Variants in VPS13A observed in about 807,000 individuals in gnomAD.
VPS13A encodes vacuolar protein sorting 13 homolog A.
Under a neutral mutation model 390.9 loss-of-function variants are expected in VPS13A, and 264 were observed. The ratio of observed to expected loss-of-function variants is 0.68; its 90% CI spans 0.61 to 0.75. The LOEUF (loss-of-function observed/expected upper bound fraction) is 0.75, where lower values mean the gene tolerates loss of function less well. VPS13A is among the 30% of genes least tolerant of loss of function. VPS13A has a pLI of 0.00. For missense variants in VPS13A, 3,409 were observed against 3,733.9 expected (o/e 0.91, Z 2.27); for synonymous variants, 1,231 against 1,227.1 (o/e 1.00, Z -0.07).
intron 21 of VPS13A, 112 bp downstream of exon 21, chr9:77,250,341 A>C (rs1446570075): frequency 2.3e-6 from 3 of 1,286,964 alleles, no homozygotes; most frequent in Non-Finnish European, 3.3e-6. Context: ...ATATTTTTGA[A>C]TTAGAAATGA....
Position 77,399,170 on chromosome 9 carries a change from A to T in VPS13A, c.9190-4066A>T, listed in dbSNP as rs1469552244. Among the ~76,000 whole-genome samples, 419 of 114,724 alleles carry T rather than the reference A, an allele frequency of 3.7e-3. 1 individual carries two copies. The highest frequency in any genetic ancestry group is 6.0e-3 in the Non-Finnish European group (339 of 56,880). The allele number at this position is 114,724 out of a possible 152,430, so 75.3% of individuals were successfully genotyped here. Reference sequence around the variant, plus strand: ...TACCCTAAAACTTAGAGTATAATAAAAAAAAAAAAATAAAAAAAAAAAAAA... The same window carrying T: ...TACCCTAAAACTTAGAGTATAATAATAAAAAAAAAATAAAAAAAAAAAAAA... On this transcript the variant is annotated intron_variant, in intron 68 of 71. Transcript: ENST00000360280.
At chr9:77,200,745 A>G (rs1396505889) in intron 2 of VPS13A, among the ~76,000 whole-genome samples, 2 of 152,046 alleles carry the variant, frequency 1.3e-5, no homozygotes, top group East Asian at 1.9e-4. Flanking sequence ...TTGTGCTTTT[A>G]TTGTCATATT....
intron 70 of VPS13A, among the ~76,000 whole-genome samples, 188 bp downstream of exon 70, chr9:77,406,175 T>A (rs1410553296): frequency 6.6e-6 from 1 of 150,620 alleles, no homozygotes; most frequent in Non-Finnish European, 1.5e-5. Context: ...CAAGAAAAAC[T>A]GTGCTTTCTG....
intron 2 of VPS13A, 81 bp from the exon 3 acceptor site, chr9:77,201,284 T>A: frequency 1.1e-6 from 1 of 937,634 alleles, no homozygotes; most frequent in Non-Finnish European, 1.7e-6. Flanking sequence ...TGAAATAATT[T>A]TTGGAAGTAA....
At chr9:77,389,696 C>CT (rs1325815217) in intron 68 of VPS13A, 1 of 152,090 alleles carries the variant, frequency 6.6e-6, no homozygotes, top group African/African-American at 2.4e-5. Context: ...CATTTCTTCC[C>CT]TTTAAGTAAA....
At chr9:77,393,434 C>T (rs1050568921) in intron 68 of VPS13A, among the ~76,000 whole-genome samples, 4 of 152,238 alleles carry the variant, frequency 2.6e-5, no homozygotes, top group African/African-American at 7.2e-5. Context: ...TTTTTAATGG[C>T]ATCTAGAATA....
chr9:77,258,259 C>T (rs2131288403), intron 22 of VPS13A, among the ~76,000 whole-genome samples: 1 of 152,252 alleles, frequency 6.6e-6, no homozygotes, highest in African/African-American at 2.4e-5. Flanking sequence ...CCAAACACTT[C>T]CAGGAGAGTT....
intron 31 of VPS13A, among the ~76,000 whole-genome samples, chr9:77,292,594 C>A (rs12551400): frequency 1.3e-5 from 2 of 151,896 alleles, no homozygotes; most frequent in African/African-American, 2.4e-5. Flanking sequence ...TCACTTATAC[C>A]TCTGGTTCTG....
chr9:77,412,951 A>G (rs1835006102), intron 71 of VPS13A, among the ~76,000 whole-genome samples: 2 of 152,208 alleles, frequency 1.3e-5, no homozygotes, highest in Admixed American at 1.3e-4. Context: ...CTTATACACC[A>G]ATAACAGACA....
intron 68 of VPS13A, among the ~76,000 whole-genome samples, chr9:77,398,938 A>G (rs1036319378): frequency 7.1e-6 from 1 of 140,072 alleles, no homozygotes; most frequent in Non-Finnish European, 1.5e-5. Context: ...AACACCACAT[A>G]TTCTCACTCA....
chr9:77,351,587 AAGGT>A, intron 53 of VPS13A, 141 bp downstream of exon 53: 2 of 1,081,032 alleles, frequency 1.9e-6, no homozygotes, highest in Non-Finnish European at 2.8e-6. Flanking sequence ...CCTGGCCAAT[AAGGT>A]GAAACCCTGT....
Position 77,314,356 on chromosome 9 carries a change from G to A in VPS13A, c.4243-139G>A, listed in dbSNP as rs919845168. On this transcript the variant is annotated intron_variant, in intron 36 of 71. Coordinates refer to ENST00000360280, the MANE Select transcript of VPS13A (RefSeq NM_033305.3). ...TTAAAGTGATATGTATATATTTTTA[G>A]CCTTTCATTAGAGCCCTTCGGAGAC... The A allele has an allele frequency of 1.5e-5, 15 of 970,556 alleles. No individual in the cohort carries two copies. The African/African-American group carries it at 2.2e-4, about 14-fold the overall frequency. 60.1% of individuals were successfully genotyped at this position (970,556 alleles called of 1,614,324 possible).
Position 77,177,753 on chromosome 9 carries a change from G to C in VPS13A, c.49G>C (p.Asp17His). The change falls in exon 1 of 72, where the codon GAC (aspartate) becomes CAC (histidine). Residue 17 changes from aspartate to histidine, a missense_variant. Transcript: ENST00000360280. ...VVDVLNRFLG[D>H]YVVDLDTSQL... ...GGACGTGTTGAACCGGTTCTTGGGG[G>C]ACTATGTGGTGGACTTGGACACGTC... is the stretch of plus-strand genomic sequence containing the variant. 1.9e-6 allele frequency: 3 copies of C among 1,613,724 alleles called. No homozygotes were observed. Among genetic ancestry groups the C allele is most frequent in the South Asian group, 1.1e-5 (1 of 91,084 alleles).
intron 67 of VPS13A, among the ~76,000 whole-genome samples, chr9:77,372,143 T>G (rs944273327): frequency 5.3e-5 from 8 of 151,542 alleles, no homozygotes; most frequent in Non-Finnish European, 1.5e-5. Context: ...GCAGCATGAT[T>G]TATAGTCCTT....
rs547938262 is a variant in VPS13A at position 77,319,700 on chromosome 9, A to G, written c.5415+27A>G. 203 of 761,656 alleles carry G rather than the reference A, an allele frequency of 2.7e-4. 1 individual carries two copies. Among genetic ancestry groups the G allele is most frequent in the South Asian group, 7.2e-4 (39 of 53,832 alleles). The allele number at this position is 761,656 out of a possible 1,614,324, so 47.2% of individuals were successfully genotyped here. ...TATATCTATATATGTCTATGTGTGT[A>G]TATATATATATATGTATTTTAAAAG... is the stretch of plus-strand genomic sequence containing the variant. On this transcript the variant is annotated intron_variant, in intron 42 of 71. Transcript: ENST00000360280.
At position 77,351,358 on chromosome 9, in the gene VPS13A, C is replaced by T; in HGVS notation, c.7331C>T (p.Ala2444Val). The T allele has an allele frequency of 6.2e-7, 1 of 1,613,854 alleles. No homozygotes were observed. The highest frequency in any genetic ancestry group is 8.5e-7 in the Non-Finnish European group (1 of 1,179,884). ...GAAGATTCCCTCCCTCCTGGTAAAG[C>T]CGTGTTTTATACATGGGCTGATCCG... ...EIEDSLPPGK[A>V]VFYTWADPVG... Residue 2444 changes from alanine (A) to valine (V), a missense_variant, in exon 53 of 72, where the codon GCC becomes GTC. Transcript: ENST00000360280.
intron 53 of VPS13A, among the ~76,000 whole-genome samples, chr9:77,351,686 T>G (rs1211422300): frequency 6.6e-6 from 1 of 152,088 alleles, no homozygotes; most frequent in Non-Finnish European, 1.5e-5. Context: ...CTGGCCAATA[T>G]GGTGAAACTC....
At chr9:77,277,845 G>A (rs1432653026) in intron 26 of VPS13A, among the ~76,000 whole-genome samples, 5 of 151,834 alleles carry the variant, frequency 3.3e-5, no homozygotes, top group African/African-American at 4.8e-5. Flanking sequence ...TTGCTTCCAC[G>A]GTTTGGCAAT....
At position 77,315,296 on chromosome 9, in the gene VPS13A, G is replaced by T. The variant is rs772252060; in HGVS notation, c.4456G>T (p.Asp1486Tyr). The T allele has an allele frequency of 1.9e-6, 3 of 1,613,898 alleles. No homozygotes were observed. The highest frequency in any genetic ancestry group is 2.5e-6 in the Non-Finnish European group (3 of 1,179,840). Residue 1486 changes from aspartate to tyrosine, a missense_variant, in exon 38 of 72, where the codon GAT becomes TAT. This residue lies in a region of VPS13A where 2,717 missense variants were observed against 2,917.4 expected (regional missense o/e 0.93). Coordinates refer to ENST00000360280, the MANE Select transcript of VPS13A (RefSeq NM_033305.3). Reference sequence around the variant, plus strand: ...TGGTTTTGACAAAAAAGACATGATGGATATAAAGTACAGGAAAGTCAGAGA... The same window carrying T: ...TGGTTTTGACAAAAAAGACATGATGTATATAAAGTACAGGAAAGTCAGAGA... ...TVGFDKKDMM[D>Y]IKYRKVRDGC...
Sources: allele counts gnomAD v4.1 joint callset (sites outside exome capture counted in the v4.1 genomes callset), GRCh38; gene constraint gnomAD v4.1.1; regional missense constraint gnomAD v4.1.1; transcripts MANE v1.5; gene names NCBI Gene and HGNC (gene_info 2026-07-23, HGNC 2026-07-21).